The following C5orf46 variants were observed in gnomAD, a reference collection of about 807,000 sequenced individuals.
C5orf46 encodes chromosome 5 open reading frame 46.
C5orf46 carries 9 observed loss-of-function variants against 8.9 expected under a neutral mutation model. That is an observed-to-expected ratio of 1.01 (90% CI 0.61 to 1.76). The LOEUF (loss-of-function observed/expected upper bound fraction) is 1.76, where lower values mean the gene tolerates loss of function less well. C5orf46 is among the 40% of genes most tolerant of loss of function. The probability of loss-of-function intolerance (pLI) is 0.00; values close to 1 mark genes in which losing one functional copy is unlikely to be tolerated. For missense variants in C5orf46, 98 were observed against 107.8 expected, an observed-to-expected ratio of 0.91 and a Z score of 0.40; for synonymous variants, 47 against 41.4, an observed-to-expected ratio of 1.14 and a Z score of -0.52.
At chr5:147,904,842 C>T (rs1442319348) in intron 1 of C5orf46, among the ~76,000 whole-genome samples, 1 of 149,182 alleles carries the variant, frequency 6.7e-6, no homozygotes, top group Non-Finnish European at 1.5e-5. Flanking sequence ...TATATATATA[C>T]ACACACATAC....
intron 3 of C5orf46, among the ~76,000 whole-genome samples, chr5:147,896,288 CTTCAT>C (rs1463780538): frequency 6.6e-6 from 1 of 152,038 alleles, no homozygotes; most frequent in East Asian, 1.9e-4. Flanking sequence ...CTCCCTGAAC[CTTCAT>C]TTCCTTATTT....
intron 1 of C5orf46, among the ~76,000 whole-genome samples, chr5:147,902,032 CAA>C (rs1371326442): frequency 3.3e-5 from 5 of 152,132 alleles, no homozygotes; most frequent in African/African-American, 1.2e-4. Context: ...GTGAGAAAAC[CAA>C]AGTTCCCAGA....
chr5:147,896,120 A>T (rs1007038721), intron 3 of C5orf46, among the ~76,000 whole-genome samples: 1 of 152,170 alleles, frequency 6.6e-6, no homozygotes, highest in Non-Finnish European at 1.5e-5. Flanking sequence ...GACTTAGATT[A>T]CTTAGCTTAA....
chr5:147,904,886 T>C (rs950284922), intron 1 of C5orf46, among the ~76,000 whole-genome samples: 1 of 149,804 alleles, frequency 6.7e-6, no homozygotes, highest in Non-Finnish European at 1.5e-5. Flanking sequence ...ACATATATCA[T>C]ATATATACCA....
Position 147,906,488 on chromosome 5 carries a change from A to G in C5orf46, c.14T>C (p.Val5Ala), listed in dbSNP as rs1382743001. The change falls in exon 1 of 4, where the codon GTA becomes GCA. Residue 5 changes from valine (V) to alanine (A), a missense_variant. Transcript: ENST00000318315. MAVS[V>A]LRLTVVLGLL... is the part of the protein sequence containing the mutation. ...TCCCAGGACAACTGTCAGGCGAAGT[A>G]CTGAGACAGCCATTCTGGTAGCACG... The G allele has an allele frequency of 6.2e-7, 1 of 1,611,846 alleles. No homozygotes were observed. Among genetic ancestry groups the G allele is most frequent in the Non-Finnish European group, 8.5e-7 (1 of 1,178,596 alleles).
downstream of C5orf46, among the ~76,000 whole-genome samples, chr5:147,890,890 G>A (rs1424519648): frequency 3.9e-5 from 6 of 152,150 alleles, 1 homozygote; most frequent in Non-Finnish European, 8.8e-5. Context: ...AATGAGATGG[G>A]AAATGGCAGA....
chr5:147,896,974 GA>G lies in C5orf46; in HGVS notation c.*9+9del. The G allele has an allele frequency of 3.5e-6, 5 of 1,420,588 alleles. No individual in the cohort carries two copies. Among genetic ancestry groups the G allele is most frequent in the Admixed American group, 1.9e-5 (1 of 52,074 alleles). 88.0% of individuals were successfully genotyped at this position (1,420,588 alleles called of 1,614,324 possible). ...GTTATTTCAGTTGTAAATTTTAAGTGAAAAATCACCTGAGGATGTCACTTTG... is the reference window on the plus strand; with the variant it reads ...GTTATTTCAGTTGTAAATTTTAAGTGAAAATCACCTGAGGATGTCACTTTG... On this transcript the variant is annotated intron_variant, in intron 3 of 3. Transcript: ENST00000318315.
At chr5:147,895,820 G>A (rs1038410192) in intron 3 of C5orf46, among the ~76,000 whole-genome samples, 9 of 152,218 alleles carry the variant, frequency 5.9e-5, no homozygotes, top group African/African-American at 1.9e-4. Flanking sequence ...TAGGGTAAGA[G>A]TCAGGAGTGT....
chr5:147,892,319 T>C (rs114577881), downstream of C5orf46, among the ~76,000 whole-genome samples: 552 of 152,320 alleles, frequency 3.6e-3, 4 homozygotes, highest in African/African-American at 0.013. Context: ...CACTGCTATT[T>C]TATGAGAAAA....
intron 2 of C5orf46, among the ~76,000 whole-genome samples, chr5:147,900,058 G>A (rs1271029168): frequency 6.6e-6 from 1 of 152,110 alleles, no homozygotes; most frequent in Non-Finnish European, 1.5e-5. Flanking sequence ...GGGAAGGAAT[G>A]AAAAGAACTC....
intron 1 of C5orf46, among the ~76,000 whole-genome samples, chr5:147,906,040 T>C (rs1664531506): frequency 6.6e-6 from 1 of 152,208 alleles, no homozygotes; most frequent in Non-Finnish European, 1.5e-5. Flanking sequence ...ATAGCATTCC[T>C]AAAGTCACAT....
chr5:147,899,846 G>A (rs1054631423), intron 2 of C5orf46, among the ~76,000 whole-genome samples: 2 of 152,034 alleles, frequency 1.3e-5, no homozygotes, highest in Non-Finnish European at 2.9e-5. Context: ...GGAGAGCAAG[G>A]GAAGAGAGCC....
downstream of C5orf46, among the ~76,000 whole-genome samples, chr5:147,889,433 A>G (rs10515596): frequency 0.069 from 10,498 of 152,240 alleles, 649 homozygotes; most frequent in Admixed American, 0.21. Flanking sequence ...ACACATTTCC[A>G]TATTCCCCTC....
chr5:147,906,035 A>G lies in C5orf46; in HGVS notation c.70+397T>C, dbSNP rs79613625. Among the ~76,000 whole-genome samples, 293 of 152,304 alleles carry G rather than the reference A, an allele frequency of 1.9e-3. 8 individuals carry two copies. In the East Asian group the frequency reaches 0.05, roughly 26 times the overall value. ...GTGAGGCCTAGAGAGATTGAATAGC[A>G]TTCCTAAAGTCACATTTCTGGTTAG... On this transcript the variant is annotated intron_variant, in intron 1 of 3. Transcript: ENST00000318315.
At chr5:147,892,387 G>A (rs1757514233), downstream of C5orf46, among the ~76,000 whole-genome samples, 1 of 152,196 alleles carries the variant, frequency 6.6e-6, no homozygotes, top group South Asian at 2.1e-4. Context: ...CAGTTTTTAA[G>A]TTTACTAGCA....
chr5:147,901,546 A>C, intron 2 of C5orf46, 83 bp downstream of exon 2: 2 of 1,268,440 alleles, frequency 1.6e-6, no homozygotes, highest in Non-Finnish European at 2.2e-6. Context: ...TTTGTTTCTC[A>C]TGTATTTTAA....
chr5:147,896,766 A>G (rs571484108), intron 3 of C5orf46, among the ~76,000 whole-genome samples: 128 of 152,214 alleles, frequency 8.4e-4, no homozygotes, highest in African/African-American at 2.9e-3. Context: ...TGCCATCCTT[A>G]TTCACTTCAT....
At chr5:147,888,948 C>A (rs943029933), downstream of C5orf46, among the ~76,000 whole-genome samples, 3 of 152,004 alleles carry the variant, frequency 2.0e-5, no homozygotes, top group Non-Finnish European at 4.4e-5. Context: ...CCATTTGGGC[C>A]AATAAGGGAG....
downstream of C5orf46, among the ~76,000 whole-genome samples, chr5:147,889,521 T>C (rs1377326197): frequency 6.6e-6 from 1 of 152,144 alleles, no homozygotes; most frequent in Non-Finnish European, 1.5e-5. Flanking sequence ...ATTCTGTCAA[T>C]TAGTACATAT....
Sources: gnomAD v4.1 joint callset for allele counts (sites outside exome capture counted in the v4.1 genomes callset) on GRCh38, gnomAD v4.1.1 for gene constraint, MANE v1.5 for transcripts, NCBI Gene and HGNC (gene_info 2026-07-23, HGNC 2026-07-21) for gene names.